The following IWS1 variants were observed in gnomAD, a reference collection of about 807,000 sequenced individuals.
IWS1 encodes protein IWS1 homolog.
Under a neutral mutation model 86.7 loss-of-function variants are expected in IWS1, and 27 were observed. That is an observed-to-expected ratio of 0.31 (90% CI 0.23 to 0.43). The LOEUF (loss-of-function observed/expected upper bound fraction) is 0.43, where lower values mean the gene tolerates loss of function less well. Ranked by LOEUF, IWS1 falls within the 20% of genes least tolerant of loss-of-function variation. The pLI, the probability that IWS1 is intolerant of heterozygous loss-of-function variation, is 1.00. For missense variants in IWS1, 827 were observed against 1,000.8 expected (o/e 0.83, Z 2.34); for synonymous variants, 313 against 335.1 (o/e 0.93, Z 0.72).
intron 13 of IWS1, among the ~76,000 whole-genome samples, chr2:127,483,591 T>TGGGGGGGGGGG (rs1187157658): frequency 1.1e-4 from 2 of 17,520 alleles, no homozygotes; most frequent in Non-Finnish European, 2.0e-4. Context: ...GGTGGTGGGG[T>TGGGGGGGGGGG]GGGGGGGTTG....
chr2:127,516,706 A>G (rs1434721514), intron 2 of IWS1, among the ~76,000 whole-genome samples: 1 of 152,164 alleles, frequency 6.6e-6, no homozygotes, highest in Admixed American at 6.5e-5. Flanking sequence ...GGTTACAATG[A>G]GCCATAATTT....
intron 2 of IWS1, among the ~76,000 whole-genome samples, chr2:127,519,683 T>A (rs1691979938): frequency 6.6e-6 from 1 of 152,142 alleles, no homozygotes. Context: ...TTGGAACCTG[T>A]GAATATGTCA....
chr2:127,495,846 A>G (rs912889162), intron 7 of IWS1, 152 bp downstream of exon 7: 18 of 706,112 alleles, frequency 2.5e-5, no homozygotes, highest in Non-Finnish European at 3.6e-5. Context: ...AAAAATTAAA[A>G]TATTTCCATG....
At position 127,505,364 on chromosome 2, in the gene IWS1, G is replaced by A. The variant is rs1322922082; in HGVS notation, c.539C>T (p.Pro180Leu). 2 of 1,613,978 alleles carry A rather than the reference G, an allele frequency of 1.2e-6. No individual in the cohort carries two copies. Among genetic ancestry groups the A allele is most frequent in the South Asian group, 1.1e-5 (1 of 91,068 alleles). ...SDSETEDALKPQISDSESEEP... is the reference protein window; with the variant it reads ...SDSETEDALKLQISDSESEEP... The stretch of plus-strand genomic sequence containing the variant: ...CTCACTCTCAGAGTCACTGATTTGA[G>A]GTTTTAGAGCATCTTCTGTTTCAGA... The change falls in exon 3 of 14, where the codon CCT becomes CTT. Residue 180 changes from proline (P) to leucine (L), a missense_variant. Transcript: ENST00000295321. The surrounding 1 kb of genome is among the most constrained non-coding windows in gnomAD (Gnocchi z 5.0).
chr2:127,503,570 T>C lies in IWS1; in HGVS notation c.1226A>G (p.Lys409Arg). 6.4e-7 allele frequency: 1 copy of C among 1,570,340 alleles called. No individual in the cohort carries two copies. Among genetic ancestry groups the C allele is most frequent in the Non-Finnish European group, 8.6e-7 (1 of 1,157,406 alleles). ...TGCATCAGAGACAACACGACTCTTC[T>C]TTGCTGCTGTTGAAAAAGAAAATCA... ...DSEDEEKASA[K>R]KSRVVSDADD... Residue 409 changes from lysine to arginine, a missense_variant, in exon 4 of 14, where the codon AAG becomes AGG. Lys to Arg is a conservative substitution (Grantham distance 26). This residue lies in a region of IWS1 where 548 missense variants were observed against 560.2 expected (regional missense o/e 0.98). Transcript: ENST00000295321.
At chr2:127,488,724 G>A (rs1207615983) in intron 12 of IWS1, among the ~76,000 whole-genome samples, 1 of 152,106 alleles carries the variant, frequency 6.6e-6, no homozygotes, top group Non-Finnish European at 1.5e-5. Context: ...TTGATTCAAA[G>A]CCCTTCACCG....
At chr2:127,504,176 G>C (rs375514621) in intron 3 of IWS1, among the ~76,000 whole-genome samples, 2 of 152,212 alleles carry the variant, frequency 1.3e-5, no homozygotes, top group African/African-American at 4.8e-5. Flanking sequence ...TTAGATAGCA[G>C]AGACTGAAAC....
chr2:127,526,109 G>A, intron 1 of IWS1, 66 bp downstream of exon 1: 2 of 1,492,848 alleles, frequency 1.3e-6, no homozygotes, highest in Admixed American at 1.9e-5. Context: ...CCCGCGGGGT[G>A]CCAGGCCAAG....
At chr2:127,504,619 T>C in intron 3 of IWS1, 65 bp downstream of exon 3, 1 of 1,137,940 alleles carries the variant, frequency 8.8e-7, no homozygotes, top group Non-Finnish European at 1.3e-6. Flanking sequence ...GGATACAATG[T>C]TCCACAGTTA....
intron 6 of IWS1, among the ~76,000 whole-genome samples, 163 bp downstream of exon 6, chr2:127,497,974 TAAC>T (rs1458673674): frequency 6.6e-6 from 1 of 152,042 alleles, no homozygotes; most frequent in Non-Finnish European, 1.5e-5. Flanking sequence ...GAAAGACAAG[TAAC>T]AACAGCAGGT....
chr2:127,505,505 G>C lies in IWS1; in HGVS notation c.398C>G (p.Ser133Cys), dbSNP rs776881389. 11 of 1,613,976 alleles carry C rather than the reference G, an allele frequency of 6.8e-6. No individual in the cohort carries two copies. The highest frequency in any genetic ancestry group is 9.3e-6 in the Non-Finnish European group (11 of 1,180,008). ...EETRKLPGSD[S>C]ENEELLNGHA... ...CCCATTAAGAAGTTCCTCATTTTCAGAGTCACTACCAGGTAATTTCCTGGT... is the reference window on the plus strand; with the variant it reads ...CCCATTAAGAAGTTCCTCATTTTCACAGTCACTACCAGGTAATTTCCTGGT... The change falls in exon 3 of 14, where the codon TCT (serine) becomes TGT (cysteine). Residue 133 changes from serine to cysteine, a missense_variant. By Grantham distance (112) the Ser-to-Cys change is moderately radical. Transcript: ENST00000295321. This position sits in a 1 kb window ranked among gnomAD's most constrained non-coding sequence, Gnocchi z 5.0.
At chr2:127,508,416 G>A (rs2104712214) in intron 2 of IWS1, among the ~76,000 whole-genome samples, 1 of 152,330 alleles carries the variant, frequency 6.6e-6, no homozygotes, top group South Asian at 2.1e-4. Flanking sequence ...AGTTAAGACG[G>A]GAGGGTGGGG....
intron 9 of IWS1, 132 bp downstream of exon 9, chr2:127,493,149 C>T: frequency 1.3e-6 from 1 of 792,920 alleles, no homozygotes; most frequent in Non-Finnish European, 1.8e-6. Flanking sequence ...AGATATGTTC[C>T]TTTTTTCCAA....
chr2:127,511,803 AC>A (rs1691467876), intron 2 of IWS1, among the ~76,000 whole-genome samples: 1 of 152,224 alleles, frequency 6.6e-6, no homozygotes, highest in African/African-American at 2.4e-5. Flanking sequence ...GAAAACTAAA[AC>A]AGGAAAATGT....
Position 127,480,983 on chromosome 2 carries a change from T to G in IWS1, c.*61A>C, listed in dbSNP as rs1188711649. 21 of 1,533,458 alleles carry G rather than the reference T, an allele frequency of 1.4e-5. No individual in the cohort carries two copies. The highest frequency in any genetic ancestry group is 1.8e-5 in the Non-Finnish European group (21 of 1,140,242). 95.0% of individuals were successfully genotyped at this position (1,533,458 alleles called of 1,614,324 possible). ...CTAAAAATGTTTTAAAATATCTTCT[T>G]TCTCCAAAGAGTCCATTGCGCATTT... is the stretch of plus-strand genomic sequence containing the variant. On this transcript the variant is annotated 3_prime_UTR_variant, in exon 14 of 14. Transcript: ENST00000295321.
At chr2:127,518,685 C>A (rs1691914409) in intron 2 of IWS1, among the ~76,000 whole-genome samples, 1 of 151,588 alleles carries the variant, frequency 6.6e-6, no homozygotes, top group Non-Finnish European at 1.5e-5. Context: ...CCGGCCTCAG[C>A]CTCCCGAGTA....
intron 2 of IWS1, among the ~76,000 whole-genome samples, chr2:127,509,872 TAC>T (rs1364242801): frequency 6.6e-6 from 1 of 152,102 alleles, no homozygotes; most frequent in Non-Finnish European, 1.5e-5. Context: ...AGGGCCACAA[TAC>T]ACAGAGAGAT....
In IWS1 at chr2:127,489,947, T is replaced by C. The variant is rs181781179; in HGVS notation, c.2048-4A>G. 4 of 1,472,554 alleles carry C rather than the reference T, an allele frequency of 2.7e-6. No individual in the cohort carries two copies. Among genetic ancestry groups the C allele is most frequent in the East Asian group, 2.3e-5 (1 of 44,260 alleles). 91.2% of individuals were successfully genotyped at this position (1,472,554 alleles called of 1,614,324 possible). A position where few individuals can be genotyped will look rare whatever the true frequency, so the allele number is the denominator to read the frequency against. On this transcript the variant is annotated splice_polypyrimidine_tract_variant and splice_region_variant and intron_variant, in intron 10 of 13. Coordinates refer to ENST00000295321, the MANE Select transcript of IWS1 (RefSeq NM_017969.3). This position sits in a 1 kb window ranked among gnomAD's most constrained non-coding sequence, Gnocchi z 4.8. ...AATATAGGCCTAGACCACTCATCTGTAGTAAGAAAAAAATCAATTATTTTG... is the reference window on the plus strand; with the variant it reads ...AATATAGGCCTAGACCACTCATCTGCAGTAAGAAAAAAATCAATTATTTTG...
chr2:127,525,220 A>G (rs866922033), intron 1 of IWS1, among the ~76,000 whole-genome samples: 9 of 152,146 alleles, frequency 5.9e-5, no homozygotes, highest in Middle Eastern at 3.4e-3. Flanking sequence ...TACGCCTCCC[A>G]AAGTGCTGGG....
Sources: gnomAD v4.1 joint callset for allele counts (sites outside exome capture counted in the v4.1 genomes callset) on GRCh38, gnomAD v4.1.1 for gene constraint, gnomAD v4.1.1 regional missense constraint, Gnocchi (gnomAD v3.1) non-coding constraint, MANE v1.5 for transcripts, NCBI Gene and HGNC (gene_info 2026-07-23, HGNC 2026-07-21) for gene names.